The following ATP10A variants were observed in gnomAD, a reference collection of about 807,000 sequenced individuals.
ATP10A encodes the protein phospholipid-transporting ATPase VA.
A neutral mutation model predicts 147.8 loss-of-function variants in ATP10A; 111 were observed. That is an observed-to-expected ratio of 0.75 (90% CI 0.64 to 0.88). The LOEUF (loss-of-function observed/expected upper bound fraction) is 0.88, where lower values mean the gene tolerates loss of function less well. Ranked by LOEUF, ATP10A falls within the 40% of genes least tolerant of loss-of-function variation. The probability of loss-of-function intolerance (pLI) is 0.00; values close to 1 mark genes in which losing one functional copy is unlikely to be tolerated. For missense variants in ATP10A, 1,927 were observed against 1,959.0 expected, an observed-to-expected ratio of 0.98 and a Z score of 0.31; for synonymous variants, 875 against 841.6, an observed-to-expected ratio of 1.04 and a Z score of -0.69.
At chr15:25,779,583 C>T (rs1246497359) in intron 2 of ATP10A, among the ~76,000 whole-genome samples, 3 of 147,814 alleles carry the variant, frequency 2.0e-5, no homozygotes, top group Non-Finnish European at 4.5e-5. Context: ...GGGGTGGGCA[C>T]GAGGGCCTGG....
intron 1 of ATP10A, among the ~76,000 whole-genome samples, chr15:25,833,417 C>T (rs182750420): frequency 3.3e-5 from 5 of 152,250 alleles, no homozygotes; most frequent in Admixed American, 3.3e-4. Flanking sequence ...CCCGCAGAGC[C>T]GAAGATGACT....
intron 2 of ATP10A, among the ~76,000 whole-genome samples, chr15:25,771,260 A>G (rs1889319674): frequency 6.6e-6 from 1 of 152,072 alleles, no homozygotes; most frequent in Non-Finnish European, 1.5e-5. Context: ...CCACCCATAA[A>G]CAAGGACATG....
At position 25,695,999 on chromosome 15, in the gene ATP10A, G is replaced by A. The variant is rs187978130; in HGVS notation, c.2761-853C>T. Reference sequence around the variant, plus strand: ...AACTTGATCTGGATTCCAGAGAAAGGAGGAAAACCTACGGTGGTAGCAGCA... The same window carrying A: ...AACTTGATCTGGATTCCAGAGAAAGAAGGAAAACCTACGGTGGTAGCAGCA... On this transcript the variant is annotated intron_variant, in intron 13 of 20. Coordinates refer to ENST00000555815, the MANE Select transcript of ATP10A (RefSeq NM_024490.4). Among the ~76,000 whole-genome samples, 5 of 152,202 alleles carry A rather than the reference G, an allele frequency of 3.3e-5. No homozygotes were observed. The East Asian group carries it at 9.7e-4, about 29-fold the overall frequency.
chr15:25,776,739 C>T (rs1038693555), intron 2 of ATP10A, among the ~76,000 whole-genome samples: 4 of 152,206 alleles, frequency 2.6e-5, no homozygotes, highest in Admixed American at 6.5e-5. Context: ...TGGGCCATGC[C>T]CACCGCCTTC....
At chr15:25,698,466 T>C (rs1900473050) in intron 13 of ATP10A, among the ~76,000 whole-genome samples, 1 of 152,188 alleles carries the variant, frequency 6.6e-6, no homozygotes, top group African/African-American at 2.4e-5. Context: ...ATTGTAAGAA[T>C]ACAGCATATA....
chr15:25,771,557 A>T (rs1397937337), intron 2 of ATP10A, among the ~76,000 whole-genome samples: 2 of 152,064 alleles, frequency 1.3e-5, no homozygotes, highest in African/African-American at 2.4e-5. Context: ...ACCCACCCAG[A>T]GATGTCTGCA....
At chr15:25,762,448 A>G (rs1165655898) in intron 2 of ATP10A, among the ~76,000 whole-genome samples, 1 of 152,084 alleles carries the variant, frequency 6.6e-6, no homozygotes, top group African/African-American at 2.4e-5. Flanking sequence ...GGCAAATTCG[A>G]AAGAAAAATG....
chr15:25,768,060 C>T (rs996310906), intron 2 of ATP10A, among the ~76,000 whole-genome samples: 7 of 152,238 alleles, frequency 4.6e-5, no homozygotes, highest in Admixed American at 1.3e-4. Context: ...TGGACTTGCA[C>T]GTGCAGAATC....
intron 1 of ATP10A, among the ~76,000 whole-genome samples, chr15:25,793,723 A>G (rs555507146): frequency 6.6e-6 from 1 of 152,344 alleles, no homozygotes; most frequent in African/African-American, 2.4e-5. Flanking sequence ...GCCTCCCAAG[A>G]GTTGTGGGCA....
intron 1 of ATP10A, among the ~76,000 whole-genome samples, chr15:25,798,376 C>T (rs1357235789): frequency 2.6e-5 from 4 of 152,166 alleles, no homozygotes; most frequent in Non-Finnish European, 5.9e-5. Context: ...CTGTCCAGCC[C>T]TCCCCCTGCC....
chr15:25,761,502 G>A (rs1888756221), intron 2 of ATP10A, among the ~76,000 whole-genome samples: 1 of 152,242 alleles, frequency 6.6e-6, no homozygotes, highest in African/African-American at 2.4e-5. Flanking sequence ...GACACTCAAC[G>A]CCAGCTGTGA....
At chr15:25,756,556 T>C (rs950274760) in intron 2 of ATP10A, among the ~76,000 whole-genome samples, 8 of 152,028 alleles carry the variant, frequency 5.3e-5, no homozygotes, top group Non-Finnish European at 1.0e-4. Flanking sequence ...GGCAGGAGAA[T>C]GGCGTGAACC....
At chr15:25,702,152 A>G (rs1900707243) in intron 12 of ATP10A, 52 bp from the exon 13 acceptor site, 1 of 1,530,614 alleles carries the variant, frequency 6.5e-7, no homozygotes, top group Non-Finnish European at 8.9e-7. Flanking sequence ...GTGCCCCCCA[A>G]TCCTTCTGGG....
In ATP10A at chr15:25,847,609, C is replaced by CTTTTT. The variant is rs34212354; in HGVS notation, c.449+15034_449+15038dup. Among the ~76,000 whole-genome samples the CTTTTT allele has an allele frequency of 2.1e-3, 85 of 40,736 alleles. 34 individuals are homozygous for CTTTTT. Among genetic ancestry groups the CTTTTT allele is most frequent in the Non-Finnish European group, 3.2e-3 (64 of 19,912 alleles). The allele number at this position is 40,736 out of a possible 152,430, so 26.7% of individuals were successfully genotyped here. The stretch of plus-strand genomic sequence containing the variant: ...CCTAGCTAATTCAAACAGCTACAGC[C>CTTTTT]TTTTTTTTTTTTTTTTTTTTTTTTT... On this transcript the variant is annotated intron_variant, in intron 1 of 20. Coordinates refer to ENST00000555815, the MANE Select transcript of ATP10A (RefSeq NM_024490.4).
intron 13 of ATP10A, among the ~76,000 whole-genome samples, chr15:25,701,353 G>A (rs1010195295): frequency 1.3e-5 from 2 of 152,224 alleles, no homozygotes; most frequent in Admixed American, 1.3e-4. Flanking sequence ...CAGAGAGGCT[G>A]TGGTGGCTTT....
chr15:25,698,972 C>A (rs1032371584), intron 13 of ATP10A, among the ~76,000 whole-genome samples: 4 of 151,952 alleles, frequency 2.6e-5, no homozygotes, highest in African/African-American at 7.3e-5. Flanking sequence ...AGAGATATAC[C>A]ATGTTTACAG....
intron 1 of ATP10A, among the ~76,000 whole-genome samples, chr15:25,860,030 G>A (rs752448418): frequency 4.6e-5 from 7 of 152,162 alleles, no homozygotes; most frequent in Non-Finnish European, 7.3e-5. Flanking sequence ...ACAGTCGTGC[G>A]TCTGGTCTTC....
At chr15:25,762,214 C>A (rs1888796502) in intron 2 of ATP10A, among the ~76,000 whole-genome samples, 1 of 152,180 alleles carries the variant, frequency 6.6e-6, no homozygotes, top group South Asian at 2.1e-4. Flanking sequence ...TTATAAGTTT[C>A]AAGAGGCCTC....
chr15:25,788,146 C>A (rs1218638114), intron 1 of ATP10A, among the ~76,000 whole-genome samples: 1 of 152,240 alleles, frequency 6.6e-6, no homozygotes, highest in Non-Finnish European at 1.5e-5. Flanking sequence ...AGCCGCCACA[C>A]CCTTCCTCAC....
Sources: allele counts gnomAD v4.1 joint callset (sites outside exome capture counted in the v4.1 genomes callset), GRCh38; gene constraint gnomAD v4.1.1; transcripts MANE v1.5; gene names NCBI Gene and HGNC (gene_info 2026-07-23, HGNC 2026-07-21).